The following NIPA1 variants were observed in gnomAD, a reference collection of about 807,000 sequenced individuals.
The protein encoded by NIPA1 is magnesium transporter NIPA1.
Under a neutral mutation model 23.9 loss-of-function variants are expected in NIPA1, and 13 were observed. The observed-to-expected ratio is 0.54, with a 90% CI of 0.35 to 0.87. The LOEUF (loss-of-function observed/expected upper bound fraction) is 0.87, where lower values mean the gene tolerates loss of function less well. Among genes scored for constraint, NIPA1 ranks in the 40% least tolerant of loss-of-function variants. The pLI, the probability that NIPA1 is intolerant of heterozygous loss-of-function variation, is 0.01. For synonymous variants in NIPA1, 234 were observed against 202.9 expected (o/e 1.15, Z -1.30); for missense variants, 362 against 429.7 (o/e 0.84, Z 1.39).
At chr15:22,791,756 G>T (rs887957765) in intron 1 of NIPA1, among the ~76,000 whole-genome samples, 1 of 152,032 alleles carries the variant, frequency 6.6e-6, no homozygotes, top group Non-Finnish European at 1.5e-5. Context: ...GTGAGCCACC[G>T]CACCTGGCCC....
intron 1 of NIPA1, among the ~76,000 whole-genome samples, chr15:22,798,177 T>C (rs1024978430): frequency 6.6e-6 from 1 of 151,532 alleles, no homozygotes; most frequent in East Asian, 2.0e-4. Context: ...AAAAATCCTA[T>C]GCACAAAACA....
intron 1 of NIPA1, among the ~76,000 whole-genome samples, chr15:22,804,922 C>T (rs948679329): frequency 4.6e-5 from 7 of 152,000 alleles, no homozygotes; most frequent in South Asian, 4.1e-4. Flanking sequence ...CTGCAAGCTC[C>T]GCCTCCTGGG....
intron 1 of NIPA1, among the ~76,000 whole-genome samples, chr15:22,804,975 G>A (rs1895175458): frequency 6.6e-6 from 1 of 151,904 alleles, no homozygotes; most frequent in Non-Finnish European, 1.5e-5. Flanking sequence ...TGAGTAGCTG[G>A]GACTACAGGC....
At chr15:22,797,379 G>GT (rs1277876417) in intron 1 of NIPA1, among the ~76,000 whole-genome samples, 1 of 151,460 alleles carries the variant, frequency 6.6e-6, no homozygotes, top group Admixed American at 6.6e-5. Flanking sequence ...CCAGCTAATT[G>GT]TTTTTTGTAC....
intron 1 of NIPA1, among the ~76,000 whole-genome samples, chr15:22,808,679 C>CATTTTTTTTTTTTT (rs1555373034): frequency 7.0e-5 from 9 of 128,338 alleles, no homozygotes; most frequent in Non-Finnish European, 1.3e-4. Flanking sequence ...TAGCAATATT[C>CATTTTTTTTTTTTT]TTTTTTTTGA....
chr15:22,811,377 A>C (rs1895310824), intron 2 of NIPA1, among the ~76,000 whole-genome samples: 1 of 152,068 alleles, frequency 6.6e-6, no homozygotes, highest in Admixed American at 6.6e-5. Context: ...GGAGGCTGAG[A>C]CAGGTGGATT....
intron 1 of NIPA1, among the ~76,000 whole-genome samples, chr15:22,797,042 T>TC (rs1318846967): frequency 1.4e-5 from 2 of 146,278 alleles, no homozygotes; most frequent in African/African-American, 2.7e-5. Flanking sequence ...AATTGAGGTT[T>TC]CTTTTTTTTT....
chr15:22,809,175 C>A (rs1895271531), intron 1 of NIPA1, among the ~76,000 whole-genome samples: 1 of 151,728 alleles, frequency 6.6e-6, no homozygotes, highest in Non-Finnish European at 1.5e-5. Flanking sequence ...TCACTTGGAG[C>A]CAGGAATTGA....
intron 1 of NIPA1, among the ~76,000 whole-genome samples, chr15:22,790,827 A>C (rs1369133116): frequency 1.3e-5 from 2 of 152,134 alleles, no homozygotes; most frequent in Non-Finnish European, 2.9e-5. Flanking sequence ...AGCAGAATTG[A>C]CCAGTATGAA....
chr15:22,798,313 C>T (rs1156850851), intron 1 of NIPA1, among the ~76,000 whole-genome samples: 2 of 148,998 alleles, frequency 1.3e-5, no homozygotes, highest in African/African-American at 4.9e-5. Flanking sequence ...GATCTCAGCT[C>T]ACTGCAGGCT....
rs1035454327 is a variant in NIPA1, at chr15:22,817,730, G to A, written c.318-2583G>A. 1.1e-4 allele frequency among the ~76,000 whole-genome samples: 17 copies of A among 151,614 alleles called. 1 individual carries two copies. Among genetic ancestry groups the A allele is most frequent in the Admixed American group, 1.1e-3 (17 of 15,222 alleles). Reference sequence around the variant, plus strand: ...TGAGGCAGGAGAATGGCGTGAACCCGGGAGGCGGAGCTTGCAGTGAGCTGA... The same window carrying A: ...TGAGGCAGGAGAATGGCGTGAACCCAGGAGGCGGAGCTTGCAGTGAGCTGA... On this transcript the variant is annotated intron_variant, in intron 3 of 4. Transcript: ENST00000337435.
intron 1 of NIPA1, among the ~76,000 whole-genome samples, chr15:22,790,458 G>A (rs552449729): frequency 2.6e-3 from 345 of 130,798 alleles, no homozygotes; most frequent in Middle Eastern, 7.9e-3. Flanking sequence ...TTTTGCTTTT[G>A]TTGCCCAGGC....
intron 1 of NIPA1, among the ~76,000 whole-genome samples, chr15:22,790,668 C>T (rs903253642): frequency 6.6e-6 from 1 of 152,096 alleles, no homozygotes; most frequent in African/African-American, 2.4e-5. Flanking sequence ...CCCACCTTGA[C>T]CTCCCAAAGT....
intron 1 of NIPA1, among the ~76,000 whole-genome samples, chr15:22,809,744 G>GAA (rs34782532): frequency 0.04 from 5,496 of 135,982 alleles, 158 homozygotes; most frequent in African/African-American, 0.072. Flanking sequence ...GACTCTGTCT[G>GAA]AAAAAAAAAA....
chr15:22,822,941 C>T (rs113704805), intron 4 of NIPA1, among the ~76,000 whole-genome samples: 30,198 of 99,678 alleles, frequency 0.3, 4,637 homozygotes, highest in Middle Eastern at 0.37. Context: ...TTTTTTGAGA[C>T]GGACTCTTGC....
intron 1 of NIPA1, among the ~76,000 whole-genome samples, chr15:22,809,634 A>G (rs1451508087): frequency 6.6e-6 from 1 of 151,572 alleles, no homozygotes. Context: ...AGTCTCAGCT[A>G]CTCGGGAGGC....
At chr15:22,793,325 C>G (rs924220574) in intron 1 of NIPA1, among the ~76,000 whole-genome samples, 2 of 130,898 alleles carry the variant, frequency 1.5e-5, no homozygotes, top group East Asian at 4.2e-4. Flanking sequence ...CTCCACTTCA[C>G]GCCAGCCAGG....
chr15:22,808,150 C>T (rs745816382), intron 1 of NIPA1, among the ~76,000 whole-genome samples: 2 of 152,134 alleles, frequency 1.3e-5, no homozygotes, highest in Non-Finnish European at 2.9e-5. Flanking sequence ...GGTCCACAGA[C>T]TTTTCACACT....
At chr15:22,817,186 CAAAAAAAAAAAA>C (rs894814701) in intron 3 of NIPA1, among the ~76,000 whole-genome samples, 2 of 61,086 alleles carry the variant, frequency 3.3e-5, no homozygotes, top group Admixed American at 4.1e-4. Flanking sequence ...GACTCTGTCT[CAAAAAAAAAAAA>C]AAAAAAAAAA....
Sources: allele counts gnomAD v4.1 joint callset (sites outside exome capture counted in the v4.1 genomes callset), GRCh38; gene constraint gnomAD v4.1.1; transcripts MANE v1.5; gene names NCBI Gene and HGNC (gene_info 2026-07-23, HGNC 2026-07-21).